BTC: variants seen among roughly 807,000 people sequenced by gnomAD.
The protein encoded by BTC is betacellulin, also known as probetacellulin.
A neutral mutation model predicts 18.1 loss-of-function variants in BTC; 13 were observed. That is an observed-to-expected ratio of 0.72 (90% CI 0.47 to 1.14). BTC has a LOEUF of 1.14. BTC is among the 50% of genes most tolerant of loss of function. The probability of loss-of-function intolerance (pLI) is 0.00; values close to 1 mark genes in which losing one functional copy is unlikely to be tolerated. For missense variants in BTC, 247 were observed against 224.2 expected, an observed-to-expected ratio of 1.10 and a Z score of -0.65; for synonymous variants, 83 against 79.4, an observed-to-expected ratio of 1.05 and a Z score of -0.24.
rs1724266832 is a variant in BTC, at chr4:74,745,524, AG to A, written c.*1152del. The A allele has an allele frequency of 6.6e-6, 1 of 152,210 alleles. No individual in the cohort carries two copies. Among genetic ancestry groups the A allele is most frequent in the African/African-American group, 2.4e-5 (1 of 41,462 alleles). The allele number at this position is 152,210 out of a possible 1,614,324, so 9.4% of individuals were successfully genotyped here. A position where few individuals can be genotyped will look rare whatever the true frequency, so the allele number is the denominator to read the frequency against. On this transcript the variant is annotated 3_prime_UTR_variant, in exon 6 of 6. Coordinates refer to ENST00000395743, the MANE Select transcript of BTC (RefSeq NM_001729.4). ...CACTAAATGTAGATTGTGCTTTTCC[AG>A]GTTTAAAGCAGTGTTTATTAAATAT... is the stretch of plus-strand genomic sequence containing the variant.
intron 1 of BTC, among the ~76,000 whole-genome samples, chr4:74,773,312 G>A (rs1725093059): frequency 6.6e-6 from 1 of 152,094 alleles, no homozygotes; most frequent in African/African-American, 2.4e-5. Context: ...CCCTTTAAGT[G>A]TCCCAGAACC....
chr4:74,770,558 G>A lies in BTC; in HGVS notation c.65-402C>T, dbSNP rs75994131. Among the ~76,000 whole-genome samples the A allele has an allele frequency of 7.5e-3, 1,149 of 152,200 alleles. 12 individuals carry two copies. The highest frequency in any genetic ancestry group is 0.026 in the African/African-American group (1,079 of 41,514). On this transcript the variant is annotated intron_variant, in intron 1 of 5. Transcript: ENST00000395743. Reference sequence around the variant, plus strand: ...CTTCTCCATTCCACAAAGAGCCAGCGTTCTCAGGTGTTAACAACTGAATGT... The same window carrying A: ...CTTCTCCATTCCACAAAGAGCCAGCATTCTCAGGTGTTAACAACTGAATGT...
At chr4:74,792,997 AC>A (rs1303515398) in intron 1 of BTC, among the ~76,000 whole-genome samples, 1 of 152,214 alleles carries the variant, frequency 6.6e-6, no homozygotes, top group Non-Finnish European at 1.5e-5. Context: ...CACCTTGCTG[AC>A]TACGACAGAT....
At chr4:74,760,165 A>G (rs1441678071) in intron 2 of BTC, among the ~76,000 whole-genome samples, 1 of 152,232 alleles carries the variant, frequency 6.6e-6, no homozygotes, top group Non-Finnish European at 1.5e-5. Flanking sequence ...AACTGTTATT[A>G]CAGTGCTTTT....
At chr4:74,762,857 C>T (rs564950191) in intron 2 of BTC, among the ~76,000 whole-genome samples, 1 of 152,256 alleles carries the variant, frequency 6.6e-6, no homozygotes, top group South Asian at 2.1e-4. Context: ...CTCAATGCCA[C>T]AAAAATTTCA....
chr4:74,777,324 T>C (rs1369388834), intron 1 of BTC, among the ~76,000 whole-genome samples: 2 of 152,146 alleles, frequency 1.3e-5, no homozygotes, highest in Non-Finnish European at 2.9e-5. Flanking sequence ...ACTTAGGTAA[T>C]GCCTTGCACA....
At position 74,776,153 on chromosome 4, in the gene BTC, T is replaced by C. The variant is rs144370880; in HGVS notation, c.65-5997A>G. On this transcript the variant is annotated intron_variant, in intron 1 of 5. Coordinates refer to ENST00000395743, the MANE Select transcript of BTC (RefSeq NM_001729.4). The stretch of plus-strand genomic sequence containing the variant: ...ATTTATGGTTTCTTTTTTTCATTGC[T>C]ATAGCTCTGTTTTGTGGCATTTTTT... 1.7e-3 allele frequency among the ~76,000 whole-genome samples: 257 copies of C among 151,580 alleles called. 5 individuals are homozygous for C. The East Asian group carries it at 0.041, about 24-fold the overall frequency.
At chr4:74,759,463 C>A (rs1380519311) in intron 2 of BTC, among the ~76,000 whole-genome samples, 1 of 152,192 alleles carries the variant, frequency 6.6e-6, no homozygotes, top group South Asian at 2.1e-4. Flanking sequence ...CACTAGTGGA[C>A]CAGGCTGCAA....
intron 2 of BTC, among the ~76,000 whole-genome samples, chr4:74,767,628 C>T (rs576453777): frequency 6.6e-6 from 1 of 152,060 alleles, no homozygotes; most frequent in East Asian, 1.9e-4. Context: ...CAATCTTGAG[C>T]AAGAACAAAG....
intron 1 of BTC, among the ~76,000 whole-genome samples, chr4:74,782,138 A>T (rs1163865922): frequency 6.6e-6 from 1 of 152,118 alleles, no homozygotes; most frequent in Non-Finnish European, 1.5e-5. Context: ...TCAGGGGTAC[A>T]TGTGCAGGAT....
At chr4:74,765,286 TA>T (rs1196295617) in intron 2 of BTC, among the ~76,000 whole-genome samples, 1 of 151,636 alleles carries the variant, frequency 6.6e-6, no homozygotes, top group Non-Finnish European at 1.5e-5. Context: ...AGATAGAAAA[TA>T]TTTTTTTAAA....
chr4:74,766,237 T>A (rs927589029), intron 2 of BTC, among the ~76,000 whole-genome samples: 8 of 152,028 alleles, frequency 5.3e-5, no homozygotes, highest in Admixed American at 3.9e-4. Context: ...TTTATAAATG[T>A]TGTACTCTTA....
chr4:74,756,816 T>G (rs137987273), intron 2 of BTC, among the ~76,000 whole-genome samples: 1 of 152,366 alleles, frequency 6.6e-6, no homozygotes, highest in Non-Finnish European at 1.5e-5. Flanking sequence ...TGCCTTATGC[T>G]TTTAGGTAAA....
intron 1 of BTC, among the ~76,000 whole-genome samples, chr4:74,783,062 T>C (rs939445971): frequency 3.3e-5 from 5 of 152,232 alleles, no homozygotes; most frequent in African/African-American, 9.6e-5. Context: ...CTGTTCAGTC[T>C]GATAACAGTT....
chr4:74,773,530 C>T (rs574241569), intron 1 of BTC, among the ~76,000 whole-genome samples: 40 of 152,194 alleles, frequency 2.6e-4, no homozygotes, highest in Non-Finnish European at 5.0e-4. Context: ...TGGTGCAAGA[C>T]TCAAGACACT....
chr4:74,771,626 CCTAT>C (rs1725044360), intron 1 of BTC, among the ~76,000 whole-genome samples: 1 of 152,094 alleles, frequency 6.6e-6, no homozygotes, highest in South Asian at 2.1e-4. Flanking sequence ...CTCTTTTTTA[CCTAT>C]CTAATTGGAA....
At chr4:74,757,092 G>T (rs782112575) in intron 2 of BTC, among the ~76,000 whole-genome samples, 1 of 152,200 alleles carries the variant, frequency 6.6e-6, no homozygotes, top group South Asian at 2.1e-4. Flanking sequence ...TGCCTGTGGA[G>T]CCAGGAGGAC....
chr4:74,746,966 G>A (rs1724308683), intron 5 of BTC, among the ~76,000 whole-genome samples: 1 of 152,120 alleles, frequency 6.6e-6, no homozygotes. Flanking sequence ...CCTTTCTTAG[G>A]ACCTAAGAGG....
At chr4:74,763,185 A>G (rs1405351088) in intron 2 of BTC, among the ~76,000 whole-genome samples, 1 of 152,184 alleles carries the variant, frequency 6.6e-6, no homozygotes, top group Non-Finnish European at 1.5e-5. Flanking sequence ...TCCTATACAG[A>G]AAAATACTAA....
Sources: allele counts gnomAD v4.1 joint callset (sites outside exome capture counted in the v4.1 genomes callset), GRCh38; gene constraint gnomAD v4.1.1; transcripts MANE v1.5; gene names NCBI Gene and HGNC (gene_info 2026-07-23, HGNC 2026-07-21).